Variants in PAPPA2 observed in about 807,000 individuals in gnomAD.
PAPPA2 encodes pappalysin-2.
In PAPPA2, 86 loss-of-function variants were observed where a neutral mutation model predicts 176.4. The ratio of observed to expected loss-of-function variants is 0.49; its 90% confidence interval spans 0.41 to 0.58. The LOEUF (loss-of-function observed/expected upper bound fraction) is 0.58, where lower values mean the gene tolerates loss of function less well. PAPPA2 is among the 20% of genes least tolerant of loss of function. The pLI, the probability that PAPPA2 is intolerant of heterozygous loss-of-function variation, is 0.00. For synonymous variants in PAPPA2, 809 were observed against 852.2 expected (o/e 0.95, Z 0.88); for missense variants, 2,073 against 2,256.9 (o/e 0.92, Z 1.65).
intron 21 of PAPPA2, among the ~76,000 whole-genome samples, chr1:176,817,575 G>A (rs1238773107): frequency 6.6e-6 from 1 of 152,052 alleles, no homozygotes; most frequent in Non-Finnish European, 1.5e-5. Flanking sequence ...GCCCAGACAA[G>A]GCACCAATAG....
intron 3 of PAPPA2, among the ~76,000 whole-genome samples, chr1:176,629,446 C>T (rs760386284): frequency 1.3e-5 from 2 of 152,046 alleles, no homozygotes; most frequent in Non-Finnish European, 2.9e-5. Context: ...TCTGCCAGAG[C>T]CTCAGATACC....
chr1:176,576,386 T>TC (rs1469464297), intron 2 of PAPPA2, among the ~76,000 whole-genome samples: 1 of 152,204 alleles, frequency 6.6e-6, no homozygotes, highest in African/African-American at 2.4e-5. Flanking sequence ...TACTTTTTTT[T>TC]CTATTGCTGT....
At position 176,699,404 on chromosome 1, in the gene PAPPA2, G is replaced by A. The variant is rs764123725; in HGVS notation, c.3051G>A (p.Val1017=). ...LTIKLHVDGK[V]SGVKVYTFDE... ...TCAAACTGCACGTGGATGGGAAGGT[G>A]TCGGGGGTGAAAGTCTACACCTTTG... The change falls in exon 8 of 23, where the codon GTG becomes GTA. Residue 1017 remains valine (V), a synonymous_variant. Transcript: ENST00000367662. The A allele has an allele frequency of 6.2e-7, 1 of 1,614,212 alleles. No homozygotes were observed.
At chr1:176,822,525 A>G (rs988385221) in intron 21 of PAPPA2, among the ~76,000 whole-genome samples, 1 of 152,180 alleles carries the variant, frequency 6.6e-6, no homozygotes, top group Non-Finnish European at 1.5e-5. Flanking sequence ...CAAGAGCTAT[A>G]CTCACAAGTC....
At chr1:176,815,390 G>T (rs78905952) in intron 21 of PAPPA2, among the ~76,000 whole-genome samples, 7,295 of 152,140 alleles carry the variant, frequency 0.048, 246 homozygotes, top group Middle Eastern at 0.075. Context: ...AGGTTTATTT[G>T]GAAGACTAGC....
chr1:176,523,582 G>C (rs1649318620), intron 1 of PAPPA2, among the ~76,000 whole-genome samples: 1 of 152,174 alleles, frequency 6.6e-6, no homozygotes, highest in African/African-American at 2.4e-5. Flanking sequence ...ATTTTTCTAA[G>C]TGACTACCAG....
chr1:176,539,444 A>G (rs1437786035), intron 1 of PAPPA2, among the ~76,000 whole-genome samples: 1 of 152,172 alleles, frequency 6.6e-6, no homozygotes, highest in Non-Finnish European at 1.5e-5. Flanking sequence ...TTCTACAAAC[A>G]TTTACTGTGG....
At chr1:176,796,165 G>A (rs995708973) in intron 20 of PAPPA2, among the ~76,000 whole-genome samples, 6 of 152,256 alleles carry the variant, frequency 3.9e-5, no homozygotes, top group Admixed American at 2.0e-4. Context: ...CATGAGTCAT[G>A]GAAAGGTCTT....
intron 2 of PAPPA2, among the ~76,000 whole-genome samples, chr1:176,575,499 A>G (rs192064185): frequency 6.6e-6 from 1 of 152,114 alleles, no homozygotes; most frequent in Admixed American, 6.6e-5. Context: ...GTCCTTTATG[A>G]TCTACTCCAA....
chr1:176,465,549 T>G (rs1372717085), intron 1 of PAPPA2, among the ~76,000 whole-genome samples: 3 of 152,216 alleles, frequency 2.0e-5, no homozygotes, highest in Non-Finnish European at 2.9e-5. Flanking sequence ...CTCTGAAATT[T>G]AATTCATACT....
intron 2 of PAPPA2, among the ~76,000 whole-genome samples, chr1:176,573,974 T>A (rs181482454): frequency 2.7e-5 from 4 of 149,500 alleles, no homozygotes; most frequent in Admixed American, 6.7e-5. Flanking sequence ...TTTTTTTTTT[T>A]AATTAGGGGA....
At chr1:176,528,112 T>G (rs1558418435) in intron 1 of PAPPA2, among the ~76,000 whole-genome samples, 2 of 152,214 alleles carry the variant, frequency 1.3e-5, no homozygotes, top group South Asian at 2.1e-4. Context: ...GGCATTCAAA[T>G]GGACCCTGCA....
intron 21 of PAPPA2, among the ~76,000 whole-genome samples, chr1:176,811,034 AT>A (rs917782227): frequency 2.6e-5 from 4 of 152,104 alleles, no homozygotes; most frequent in African/African-American, 4.8e-5. Context: ...TTAGTAATAT[AT>A]TTTTTATCAC....
intron 1 of PAPPA2, among the ~76,000 whole-genome samples, chr1:176,507,717 A>G (rs1648356836): frequency 6.6e-6 from 1 of 151,188 alleles, no homozygotes; most frequent in African/African-American, 2.4e-5. Flanking sequence ...CTCACTTATA[A>G]GTGGAAGCTA....
chr1:176,700,832 A>G (rs1002100255), intron 8 of PAPPA2, among the ~76,000 whole-genome samples: 1 of 152,196 alleles, frequency 6.6e-6, no homozygotes, highest in Non-Finnish European at 1.5e-5. Flanking sequence ...GCAGTCTACC[A>G]TAGCTACAGA....
chr1:176,564,794 A>G lies in PAPPA2; in HGVS notation c.919+7553A>G, dbSNP rs373525979. ...CTTAAAGTTCACGTGTTTAAAGTGT[A>G]CAAATAACGTCTTTAGTATTCTTAC... On this transcript the variant is annotated intron_variant, in intron 2 of 22. Transcript: ENST00000367662. 1.6e-4 allele frequency among the ~76,000 whole-genome samples: 24 copies of G among 150,744 alleles called. No homozygotes were observed. The East Asian group carries it at 4.7e-3, about 29-fold the overall frequency.
chr1:176,750,361 T>C (rs1010845072), intron 14 of PAPPA2, among the ~76,000 whole-genome samples: 4 of 152,060 alleles, frequency 2.6e-5, no homozygotes, highest in Non-Finnish European at 5.9e-5. Flanking sequence ...ATTCCAGCAC[T>C]TGGGAGGCCA....
intron 14 of PAPPA2, among the ~76,000 whole-genome samples, chr1:176,763,106 G>A (rs1326842314): frequency 6.6e-6 from 1 of 152,142 alleles, no homozygotes; most frequent in Non-Finnish European, 1.5e-5. Flanking sequence ...GGTAGTATGT[G>A]CATATTCAAT....
At chr1:176,811,966 G>A (rs546590533) in intron 21 of PAPPA2, among the ~76,000 whole-genome samples, 25 of 151,634 alleles carry the variant, frequency 1.6e-4, no homozygotes, top group East Asian at 5.8e-4. Flanking sequence ...ACAACCAACC[G>A]TCCAAATTGT....
Sources: allele counts gnomAD v4.1 joint callset (sites outside exome capture counted in the v4.1 genomes callset), GRCh38; gene constraint gnomAD v4.1.1; transcripts MANE v1.5; gene names NCBI Gene and HGNC (gene_info 2026-07-23, HGNC 2026-07-21).